CSMD3: variants seen among roughly 807,000 people sequenced by gnomAD.
CSMD3 encodes CUB and Sushi multiple domains 3, also known as CUB and sushi domain-containing protein 3.
A neutral mutation model predicts 435.2 loss-of-function variants in CSMD3; 177 were observed. The observed-to-expected ratio is 0.41, with a 90% CI of 0.36 to 0.46. The LOEUF (loss-of-function observed/expected upper bound fraction) is 0.46, where lower values mean the gene tolerates loss of function less well. CSMD3 is among the 20% of genes least tolerant of loss of function. CSMD3 has a pLI of 0.34. For missense variants in CSMD3, 4,265 were observed against 4,504.6 expected (o/e 0.95, Z 1.52); for synonymous variants, 1,656 against 1,520.5 (o/e 1.09, Z -2.07).
intron 13 of CSMD3, among the ~76,000 whole-genome samples, chr8:112,765,304 G>T (rs2077949874): frequency 6.6e-6 from 1 of 151,568 alleles, no homozygotes; most frequent in Admixed American, 6.6e-5. Context: ...ACCAATAAGA[G>T]GCTGAATTTG....
At chr8:112,343,157 CAA>C (rs1004656535) in intron 41 of CSMD3, among the ~76,000 whole-genome samples, 2 of 150,952 alleles carry the variant, frequency 1.3e-5, no homozygotes, top group African/African-American at 4.9e-5. Flanking sequence ...GCTATATATT[CAA>C]GTTTTAATAA....
intron 31 of CSMD3, among the ~76,000 whole-genome samples, chr8:112,480,499 G>A (rs1421666570): frequency 6.6e-6 from 1 of 152,158 alleles, no homozygotes; most frequent in Non-Finnish European, 1.5e-5. Flanking sequence ...CTCAATATTG[G>A]AGGTGGGGCC....
intron 2 of CSMD3, among the ~76,000 whole-genome samples, chr8:113,305,249 T>C (rs2093810330): frequency 6.6e-6 from 1 of 152,148 alleles, no homozygotes; most frequent in Non-Finnish European, 1.5e-5. Context: ...CATGTATACA[T>C]ATGTAACTAA....
At chr8:112,335,507 T>C (rs371859053) in intron 44 of CSMD3, 33 bp from the exon 45 acceptor site, 3 of 1,601,930 alleles carry the variant, frequency 1.9e-6, no homozygotes, top group African/African-American at 2.7e-5. Flanking sequence ...GGAGGAGAGA[T>C]CAAGATTGAT....
At chr8:112,889,112 G>A (rs2081701972) in intron 10 of CSMD3, among the ~76,000 whole-genome samples, 1 of 151,610 alleles carries the variant, frequency 6.6e-6, no homozygotes, top group Non-Finnish European at 1.5e-5. Context: ...GGAAAGTTAA[G>A]CATGCCCTGG....
At chr8:113,151,739 C>T (rs1483461556) in intron 4 of CSMD3, among the ~76,000 whole-genome samples, 1 of 151,848 alleles carries the variant, frequency 6.6e-6, no homozygotes, top group East Asian at 1.9e-4. Flanking sequence ...GTGAGACTAC[C>T]TACAGAGTCA....
chr8:112,373,804 G>C (rs537617875), intron 38 of CSMD3, among the ~76,000 whole-genome samples: 11 of 152,090 alleles, frequency 7.2e-5, no homozygotes, highest in Non-Finnish European at 1.2e-4. Flanking sequence ...GAATCGATGT[G>C]GTGCTTGGGT....
intron 27 of CSMD3, among the ~76,000 whole-genome samples, chr8:112,519,077 G>T (rs1001352340): frequency 6.6e-6 from 1 of 152,074 alleles, no homozygotes; most frequent in Non-Finnish European, 1.5e-5. Flanking sequence ...TTAGAGATGA[G>T]ATTTGGGTGG....
At chr8:112,419,397 T>G (rs1812242505) in intron 32 of CSMD3, among the ~76,000 whole-genome samples, 1 of 152,188 alleles carries the variant, frequency 6.6e-6, no homozygotes, top group Non-Finnish European at 1.5e-5. Flanking sequence ...TAATATGTAT[T>G]GCTATTTTGT....
At chr8:112,694,767 T>C (rs551580807) in intron 13 of CSMD3, among the ~76,000 whole-genome samples, 1 of 152,204 alleles carries the variant, frequency 6.6e-6, no homozygotes, top group African/African-American at 2.4e-5. Context: ...GTGGAGAACT[T>C]TTCATTCACT....
chr8:112,687,299 G>A, intron 14 of CSMD3, among the ~76,000 whole-genome samples: 1 of 151,880 alleles, frequency 6.6e-6, no homozygotes, highest in Non-Finnish European at 1.5e-5. Context: ...TAGAGAAGTT[G>A]AAGATTTCTT....
intron 5 of CSMD3, among the ~76,000 whole-genome samples, chr8:113,060,630 A>T (rs2088571792): frequency 1.3e-5 from 2 of 152,110 alleles, no homozygotes; most frequent in South Asian, 4.1e-4. Flanking sequence ...TATGGTATTC[A>T]TGTATTTAAT....
intron 19 of CSMD3, among the ~76,000 whole-genome samples, chr8:112,646,456 C>T (rs1336134254): frequency 6.6e-6 from 1 of 152,074 alleles, no homozygotes. Flanking sequence ...TTCTGTATAT[C>T]AGTATTCTTT....
At chr8:113,170,407 C>T (rs1036680841) in intron 4 of CSMD3, among the ~76,000 whole-genome samples, 1 of 152,124 alleles carries the variant, frequency 6.6e-6, no homozygotes, top group African/African-American at 2.4e-5. Flanking sequence ...CACGTGAGAA[C>T]TAATTTTGAG....
chr8:112,241,686 A>T (rs2130062141), intron 66 of CSMD3, 34 bp downstream of exon 66: 1 of 1,466,180 alleles, frequency 6.8e-7, no homozygotes, highest in Non-Finnish European at 9.6e-7. Context: ...TTTTAGAAAT[A>T]ATGAACTCTA....
intron 3 of CSMD3, among the ~76,000 whole-genome samples, chr8:113,248,537 C>CAT (rs143163730): frequency 1.4e-4 from 19 of 140,198 alleles, no homozygotes; most frequent in South Asian, 4.4e-4. Context: ...TATGTATATA[C>CAT]ATATATATAT....
chr8:113,276,352 G>A (rs1588426324), intron 3 of CSMD3, among the ~76,000 whole-genome samples: 1 of 152,010 alleles, frequency 6.6e-6, no homozygotes, highest in East Asian at 1.9e-4. Context: ...ATGTGTGGAG[G>A]GAGAAAGTAG....
At chr8:112,439,530 C>T (rs778429050) in intron 32 of CSMD3, among the ~76,000 whole-genome samples, 3 of 151,912 alleles carry the variant, frequency 2.0e-5, no homozygotes, top group East Asian at 1.9e-4. Context: ...TTTATATATA[C>T]CTTTGTATAC....
intron 13 of CSMD3, among the ~76,000 whole-genome samples, chr8:112,734,618 G>T (rs2077146985): frequency 2.0e-5 from 3 of 151,524 alleles, no homozygotes; most frequent in Non-Finnish European, 4.4e-5. Flanking sequence ...AAATAAGAAG[G>T]GTGCTTAACA....
Sources: gnomAD v4.1 joint callset for allele counts (sites outside exome capture counted in the v4.1 genomes callset) on GRCh38, gnomAD v4.1.1 for gene constraint, MANE v1.5 for transcripts, NCBI Gene and HGNC (gene_info 2026-07-23, HGNC 2026-07-21) for gene names.